PLCE1: variants seen among roughly 807,000 people sequenced by gnomAD.
PLCE1 encodes the protein phospholipase C epsilon 1.
Under a neutral mutation model 242.8 loss-of-function variants are expected in PLCE1, and 119 were observed. The ratio of observed to expected loss-of-function variants is 0.49; its 90% CI spans 0.42 to 0.57. PLCE1 has a LOEUF of 0.57. PLCE1 is among the 20% of genes least tolerant of loss of function. The probability of loss-of-function intolerance (pLI) is 0.00; values close to 1 mark genes in which losing one functional copy is unlikely to be tolerated. For missense variants in PLCE1, 2,441 were observed against 2,788.8 expected, an observed-to-expected ratio of 0.88 and a Z score of 2.81; for synonymous variants, 945 against 1,017.4, an observed-to-expected ratio of 0.93 and a Z score of 1.35.
At position 94,161,830 on chromosome 10, in the gene PLCE1, A is replaced by C. The variant is rs573880309; in HGVS notation, c.1493-9350A>C. On this transcript the variant is annotated intron_variant, in intron 3 of 32. Coordinates refer to ENST00000371380, the MANE Select transcript of PLCE1 (RefSeq NM_016341.4). ...CTCTTATTATTTTGAGATACGTCCCATCAATACCTAATTTATTGAGAGTTT... is the reference window on the plus strand; with the variant it reads ...CTCTTATTATTTTGAGATACGTCCCCTCAATACCTAATTTATTGAGAGTTT... Among the ~76,000 whole-genome samples, 311 of 152,194 alleles carry C rather than the reference A, an allele frequency of 2.0e-3. 3 individuals are homozygous for C. Among genetic ancestry groups the C allele is most frequent in the African/African-American group, 6.5e-3 (268 of 41,512 alleles).
intron 2 of PLCE1, among the ~76,000 whole-genome samples, chr10:94,037,379 T>C (rs1025331435): frequency 4.6e-5 from 7 of 152,222 alleles, no homozygotes; most frequent in African/African-American, 7.2e-5. Flanking sequence ...AGCCCCACTG[T>C]TCAATGTTGT....
rs2050687058 is a variant in PLCE1 at position 94,246,503 on chromosome 10, A to ATG, written c.2978_2979insTG (p.Thr994AlafsTer17). On this transcript the variant is annotated frameshift_variant, in exon 8 of 33. Coordinates refer to ENST00000371380, the MANE Select transcript of PLCE1 (RefSeq NM_016341.4). LOFTEE classifies it high-confidence loss of function. ...TTATTGCACTTCGTGGCACCAAAGCACACAGCTAAAATGCTCTTCAGCGGA... is the reference window on the plus strand; with the variant it reads ...TTATTGCACTTCGTGGCACCAAAGCATGCACAGCTAAAATGCTCTTCAGCGGA... 1.2e-6 allele frequency: 2 copies of ATG among 1,614,064 alleles called. No individual in the cohort carries two copies. The highest frequency in any genetic ancestry group is 3.3e-5 in the Admixed American group (2 of 60,012).
At chr10:94,174,997 A>G (rs2048087200) in intron 4 of PLCE1, among the ~76,000 whole-genome samples, 1 of 152,180 alleles carries the variant, frequency 6.6e-6, no homozygotes, top group Non-Finnish European at 1.5e-5. Context: ...AAGGGTGTAC[A>G]AGAACTCTCT....
At chr10:94,197,451 G>A (rs2048855604) in intron 4 of PLCE1, among the ~76,000 whole-genome samples, 1 of 152,170 alleles carries the variant, frequency 6.6e-6, no homozygotes, top group Admixed American at 6.5e-5. Context: ...CACCAACAAT[G>A]TATGAGGGTT....
intron 4 of PLCE1, among the ~76,000 whole-genome samples, chr10:94,211,467 A>C (rs1792544235): frequency 6.6e-6 from 1 of 152,234 alleles, no homozygotes; most frequent in Non-Finnish European, 1.5e-5. Flanking sequence ...TCATCTATCA[A>C]ATAAGAGAAA....
At chr10:94,061,516 A>G (rs1289235271) in intron 2 of PLCE1, among the ~76,000 whole-genome samples, 3 of 152,202 alleles carry the variant, frequency 2.0e-5, no homozygotes, top group Admixed American at 2.0e-4. Flanking sequence ...GCATACCATT[A>G]GCCAAAGAGA....
chr10:94,171,231 C>T lies in PLCE1; in HGVS notation c.1544C>T (p.Ser515Leu), dbSNP rs2047965698. Residue 515 changes from serine (S) to leucine (L), a missense_variant, in exon 4 of 33, where the codon TCA becomes TTA. This residue lies in a region of PLCE1 where 733 missense variants were observed against 754.2 expected (regional missense o/e 0.97). Transcript: ENST00000371380. The part of the protein sequence containing the change: ...VANSNALPSS[S>L]AGISKELIDL... ...AATTCCAATGCCCTCCCTTCAAGTT[C>T]AGCTGGGATCAGCAAGGAGCTGATC... 1 of 1,614,212 alleles carries T rather than the reference C, an allele frequency of 6.2e-7. No individual in the cohort carries two copies. The highest frequency in any genetic ancestry group is 8.5e-7 in the Non-Finnish European group (1 of 1,180,026).
chr10:94,210,789 T>C (rs1430172604), intron 4 of PLCE1, among the ~76,000 whole-genome samples: 2 of 152,138 alleles, frequency 1.3e-5, no homozygotes, highest in Non-Finnish European at 2.9e-5. Context: ...CAGAGGAAGT[T>C]TTCTTCCTTT....
intron 4 of PLCE1, among the ~76,000 whole-genome samples, chr10:94,207,655 T>A (rs779343644): frequency 6.6e-6 from 1 of 152,068 alleles, no homozygotes; most frequent in South Asian, 2.1e-4. Flanking sequence ...GGATTCTAAA[T>A]ACCATTCTTT....
At chr10:94,171,744 C>G (rs1028222689) in intron 4 of PLCE1, among the ~76,000 whole-genome samples, 1 of 152,132 alleles carries the variant, frequency 6.6e-6, no homozygotes, top group African/African-American at 2.4e-5. Context: ...ACCCAGTCCA[C>G]CAATCCTAGT....
chr10:94,065,716 C>T (rs758921952), intron 2 of PLCE1, among the ~76,000 whole-genome samples: 1 of 152,166 alleles, frequency 6.6e-6, no homozygotes, highest in Non-Finnish European at 1.5e-5. Flanking sequence ...GAAATTGACA[C>T]TCTGCCAGAA....
In PLCE1 at chr10:94,279,808, G is replaced by A. The variant is rs747064088; in HGVS notation, c.4692G>A (p.Val1564=). The A allele has an allele frequency of 1.2e-6, 2 of 1,613,592 alleles. No individual in the cohort carries two copies. Among genetic ancestry groups the A allele is most frequent in the African/African-American group, 2.7e-5 (2 of 74,876 alleles). ...QKAHQLASMQ[V]QAYNGGNANP... ...CTCATCAGTTAGCATCTATGCAAGT[G>A]CAGGCTTATAATGGTGGGAATGCCA... Residue 1564 remains valine, a synonymous_variant, in exon 20 of 33, where the codon GTG becomes GTA. Transcript: ENST00000371380.
At chr10:94,012,250 C>T (rs562034207) in intron 1 of PLCE1, among the ~76,000 whole-genome samples, 1 of 152,138 alleles carries the variant, frequency 6.6e-6, no homozygotes, top group East Asian at 2.0e-4. Context: ...GTTTGCAGCA[C>T]AGGGAACTCT....
At chr10:94,053,340 A>G (rs531812744) in intron 2 of PLCE1, among the ~76,000 whole-genome samples, 107 of 152,366 alleles carry the variant, frequency 7.0e-4, no homozygotes, top group African/African-American at 1.9e-3. Context: ...TGCTATTGTC[A>G]TTATGATCTC....
chr10:94,009,918 C>A (rs900551617), intron 1 of PLCE1, among the ~76,000 whole-genome samples: 23 of 152,230 alleles, frequency 1.5e-4, no homozygotes, highest in African/African-American at 5.1e-4. Context: ...CTCTACCATT[C>A]TGGGGTCTGG....
At chr10:94,218,963 TA>T (rs1309329693) in intron 4 of PLCE1, among the ~76,000 whole-genome samples, 1 of 147,494 alleles carries the variant, frequency 6.8e-6, no homozygotes, top group African/African-American at 2.5e-5. Flanking sequence ...TAAATATAAT[TA>T]AAATATAATT....
intron 1 of PLCE1, among the ~76,000 whole-genome samples, chr10:94,007,105 TA>T (rs1361399713): frequency 6.9e-6 from 1 of 143,958 alleles, no homozygotes; most frequent in East Asian, 2.1e-4. Flanking sequence ...TCTGGGTTTC[TA>T]GGGGAAAAAA....
At chr10:94,159,982 T>G (rs539623950) in intron 3 of PLCE1, among the ~76,000 whole-genome samples, 1 of 152,332 alleles carries the variant, frequency 6.6e-6, no homozygotes, top group African/African-American at 2.4e-5. Context: ...TATTCCATGG[T>G]GTATATATGC....
chr10:94,108,578 A>C (rs1356451792), intron 2 of PLCE1: 1 of 152,274 alleles, frequency 6.6e-6, no homozygotes, highest in Admixed American at 6.5e-5. Context: ...TGCCTGCTGC[A>C]TGGCGAAGCC....
Sources: gnomAD v4.1 joint callset for allele counts (sites outside exome capture counted in the v4.1 genomes callset) on GRCh38, gnomAD v4.1.1 for gene constraint, gnomAD v4.1.1 regional missense constraint, MANE v1.5 for transcripts, NCBI Gene and HGNC (gene_info 2026-07-23, HGNC 2026-07-21) for gene names.